The following SLC25A21 variants were observed in gnomAD, a reference collection of about 807,000 sequenced individuals.
SLC25A21 encodes solute carrier family 25 member 21, also known as mitochondrial 2-oxodicarboxylate carrier.
In SLC25A21, 47 loss-of-function variants were observed where a neutral mutation model predicts 43.8. The ratio of observed to expected loss-of-function variants is 1.07; its 90% CI spans 0.85 to 1.37. The LOEUF (loss-of-function observed/expected upper bound fraction) is 1.37, where lower values mean the gene tolerates loss of function less well. SLC25A21 is among the 40% of genes most tolerant of loss of function. The pLI, the probability that SLC25A21 is intolerant of heterozygous loss-of-function variation, is 0.00. For synonymous variants in SLC25A21, 131 were observed against 121.3 expected (o/e 1.08, Z -0.52); for missense variants, 352 against 350.2 (o/e 1.00, Z -0.04).
intron 1 of SLC25A21, among the ~76,000 whole-genome samples, chr14:36,911,814 T>C (rs1233148883): frequency 2.0e-5 from 3 of 152,172 alleles, no homozygotes; most frequent in Non-Finnish European, 4.4e-5. Flanking sequence ...GATAGAATGG[T>C]TGTCACTTTA....
intron 3 of SLC25A21, among the ~76,000 whole-genome samples, chr14:36,789,776 T>A (rs1261798139): frequency 8.4e-6 from 1 of 119,428 alleles, no homozygotes; most frequent in African/African-American, 3.3e-5. Flanking sequence ...ATATAATACA[T>A]TTTATATATT....
At chr14:36,810,277 T>C (rs1003193581) in intron 3 of SLC25A21, among the ~76,000 whole-genome samples, 3 of 152,136 alleles carry the variant, frequency 2.0e-5, no homozygotes, top group African/African-American at 7.2e-5. Context: ...TGTTATATTA[T>C]TTGATATCAA....
At chr14:37,051,398 C>T (rs1324284792) in intron 1 of SLC25A21, among the ~76,000 whole-genome samples, 3 of 152,158 alleles carry the variant, frequency 2.0e-5, no homozygotes, top group African/African-American at 7.2e-5. Flanking sequence ...GAGGGAAGAA[C>T]TCATTTCACA....
At chr14:36,913,522 TG>T (rs1283657618) in intron 1 of SLC25A21, among the ~76,000 whole-genome samples, 1 of 152,154 alleles carries the variant, frequency 6.6e-6, no homozygotes, top group Non-Finnish European at 1.5e-5. Context: ...GTGATCTTCC[TG>T]CCTCAGCCTC....
chr14:36,990,441 C>T (rs1278192602), intron 1 of SLC25A21, among the ~76,000 whole-genome samples: 2 of 152,100 alleles, frequency 1.3e-5, no homozygotes, highest in Non-Finnish European at 2.9e-5. Context: ...TATAGTTTAA[C>T]CCACCATGAC....
chr14:36,897,299 T>C (rs1229923202), intron 1 of SLC25A21, among the ~76,000 whole-genome samples: 2 of 152,236 alleles, frequency 1.3e-5, no homozygotes, highest in African/African-American at 4.8e-5. Context: ...TCATCTTCCA[T>C]CACTGATACC....
intron 1 of SLC25A21, among the ~76,000 whole-genome samples, chr14:37,150,532 C>T (rs186125120): frequency 7.9e-5 from 12 of 152,194 alleles, no homozygotes; most frequent in Non-Finnish European, 4.4e-5. Flanking sequence ...GTAGAATTCT[C>T]TATGATCTAT....
chr14:36,731,036 G>T (rs1884801994), intron 4 of SLC25A21, among the ~76,000 whole-genome samples: 1 of 150,480 alleles, frequency 6.6e-6, no homozygotes, highest in Non-Finnish European at 1.5e-5. Flanking sequence ...GCAGTGGCGC[G>T]ATCTCGGCTC....
chr14:36,791,887 G>A (rs1358433436), intron 3 of SLC25A21, among the ~76,000 whole-genome samples: 2 of 152,102 alleles, frequency 1.3e-5, no homozygotes, highest in South Asian at 2.1e-4. Flanking sequence ...GAGGCACCGG[G>A]AGGCTTCTGG....
intron 1 of SLC25A21, among the ~76,000 whole-genome samples, chr14:36,897,533 A>C (rs1025808500): frequency 2.6e-5 from 4 of 151,760 alleles, no homozygotes; most frequent in Non-Finnish European, 5.9e-5. Flanking sequence ...TCTTCTCCCA[A>C]CTCATCAAAG....
At chr14:36,685,941 C>G (rs1050908250) in intron 7 of SLC25A21, among the ~76,000 whole-genome samples, 3 of 152,138 alleles carry the variant, frequency 2.0e-5, no homozygotes, top group East Asian at 1.9e-4. Flanking sequence ...TCCGACCCCC[C>G]ACCCTATCTT....
chr14:36,876,701 C>T (rs140858654), intron 1 of SLC25A21, among the ~76,000 whole-genome samples: 32 of 151,914 alleles, frequency 2.1e-4, no homozygotes, highest in Non-Finnish European at 2.9e-5. Flanking sequence ...ATGGACTCAT[C>T]ATTTACCCAT....
intron 1 of SLC25A21, among the ~76,000 whole-genome samples, chr14:37,046,236 C>T (rs984133703): frequency 1.3e-5 from 2 of 152,154 alleles, no homozygotes; most frequent in African/African-American, 4.8e-5. Flanking sequence ...CAAGCTTTCC[C>T]AGATCTAGTG....
At chr14:36,739,805 T>G (rs770753364) in intron 3 of SLC25A21, among the ~76,000 whole-genome samples, 2 of 152,088 alleles carry the variant, frequency 1.3e-5, no homozygotes, top group Non-Finnish European at 2.9e-5. Context: ...GTGATGCCCA[T>G]ACTCCGTGCT....
intron 1 of SLC25A21, among the ~76,000 whole-genome samples, chr14:36,897,136 TC>T (rs1201220071): frequency 6.6e-6 from 1 of 152,240 alleles, no homozygotes; most frequent in African/African-American, 2.4e-5. Context: ...CAGAGTGTTT[TC>T]CAACTTGGTT....
intron 2 of SLC25A21, among the ~76,000 whole-genome samples, chr14:36,840,502 G>A (rs1889353449): frequency 6.6e-6 from 1 of 152,126 alleles, no homozygotes; most frequent in Admixed American, 6.5e-5. Context: ...TCCCCCAAAT[G>A]GGTAACCTGA....
intron 7 of SLC25A21, among the ~76,000 whole-genome samples, chr14:36,707,716 T>C (rs530783579): frequency 6.6e-6 from 1 of 152,370 alleles, no homozygotes; most frequent in East Asian, 1.9e-4. Flanking sequence ...AGGAAGTTTG[T>C]GATTTACAAT....
intron 6 of SLC25A21, among the ~76,000 whole-genome samples, chr14:36,712,309 A>G (rs1883915671): frequency 6.6e-6 from 1 of 151,176 alleles, no homozygotes; most frequent in South Asian, 2.1e-4. Flanking sequence ...TATCTCTCTC[A>G]TATTTTCACT....
Position 36,911,535 on chromosome 14 carries a change from CAG to C in SLC25A21, c.71-36533_71-36532del, listed in dbSNP as rs202223376. On this transcript the variant is annotated intron_variant, in intron 1 of 9. Transcript: ENST00000331299. ...AGGACGTTAGTATGTGTTATATAAG[CAG>C]AGACTTGAAAAGCCACTTTCACACT... Among the ~76,000 whole-genome samples the C allele has an allele frequency of 7.8e-3, 1,185 of 152,204 alleles. 3 individuals carry two copies. Among genetic ancestry groups the C allele is most frequent in the Non-Finnish European group, 0.012 (839 of 67,980 alleles).
Sources: allele counts gnomAD v4.1 joint callset (sites outside exome capture counted in the v4.1 genomes callset), GRCh38; gene constraint gnomAD v4.1.1; transcripts MANE v1.5; gene names NCBI Gene and HGNC (gene_info 2026-07-23, HGNC 2026-07-21).